DLL1: variants seen among roughly 807,000 people sequenced by gnomAD.
The protein encoded by DLL1 is delta-like protein 1.
A neutral mutation model predicts 75.1 loss-of-function variants in DLL1; 9 were observed. The ratio of observed to expected loss-of-function variants is 0.12; its 90% confidence interval spans 0.07 to 0.21. The LOEUF is 0.21. Ranked by LOEUF, DLL1 falls within the 10% of genes least tolerant of loss-of-function variation. DLL1 has a pLI of 1.00. For synonymous variants in DLL1, 477 were observed against 418.3 expected (o/e 1.14, Z -1.71); for missense variants, 837 against 1,007.6 (o/e 0.83, Z 2.29).
intron 8 of DLL1, among the ~76,000 whole-genome samples, chr6:170,284,620 T>A (rs936093904): frequency 6.6e-6 from 1 of 152,198 alleles, no homozygotes; most frequent in East Asian, 1.9e-4. Flanking sequence ...GGCCGGCACC[T>A]GTGGGCATCA....
intron 4 of DLL1, chr6:170,288,021 G>A: frequency 1.5e-6 from 1 of 689,274 alleles, no homozygotes; most frequent in Non-Finnish European, 2.4e-6. Context: ...TCCGATAGTG[G>A]ATAAACACAG....
At position 170,283,247 on chromosome 6, in the gene DLL1, G is replaced by A; in HGVS notation, c.2032C>T (p.Pro678Ser). 1 of 1,612,630 alleles carries A rather than the reference G, an allele frequency of 6.2e-7. No homozygotes were observed. The highest frequency in any genetic ancestry group is 8.5e-7 in the Non-Finnish European group (1 of 1,179,882). ...AGCACGCACCCCCTGAGTGTGGTCG[G>A]GGTCCCCTTCTCCTCCCCTGAGGAG... ...QGSSGEEKGTPTTLRGGEASE... is the reference protein window; with the variant it reads ...QGSSGEEKGTSTTLRGGEASE... Residue 678 changes from proline to serine, a missense_variant, in exon 9 of 11, where the codon CCG (proline) becomes TCG (serine). Physicochemically the swap from Pro to Ser is moderately conservative, Grantham distance 74 (BLOSUM62 -1). Around this residue, in one of 2 missense-constraint regions of DLL1, gnomAD observed 533 missense variants for 545.7 expected, o/e 0.98. Transcript: ENST00000366756.
intron 2 of DLL1, 118 bp from the exon 3 acceptor site, chr6:170,288,907 G>A: frequency 8.9e-7 from 1 of 1,126,964 alleles, no homozygotes; most frequent in South Asian, 1.2e-5. Context: ...TGCAGGTCTG[G>A]GGCAGCGTGT....
chr6:170,282,928 T>C (rs751266798), intron 10 of DLL1, 49 bp from the exon 11 acceptor site: 2 of 1,614,222 alleles, frequency 1.2e-6, no homozygotes, highest in Non-Finnish European at 1.7e-6. Context: ...CCGATTCCCG[T>C]GCTCCAGCTT....
At chr6:170,288,148 C>A (rs1783746873) in intron 4 of DLL1, 91 bp downstream of exon 4, 22 of 1,589,014 alleles carry the variant, frequency 1.4e-5, no homozygotes, top group Non-Finnish European at 1.8e-5. Context: ...TCTCTACAGT[C>A]CCAAGCCCCC....
In DLL1 at chr6:170,284,028, A is replaced by T; in HGVS notation, c.1251T>A (p.Gly417=). The part of the protein sequence containing the change: ...DYCSSSPCSN[G]AKCVDLGDAY... ...CATCACCGAGGTCCACACACTTGGC[A>T]CCTGGAACACAGGGACATGAACATC... The change falls in exon 9 of 11, where the codon GGT becomes GGA. Residue 417 remains glycine (G), a splice_region_variant and synonymous_variant. Coordinates refer to ENST00000366756, the MANE Select transcript of DLL1 (RefSeq NM_005618.4). The T allele has an allele frequency of 6.4e-7, 1 of 1,566,786 alleles. No individual in the cohort carries two copies.
rs1408456982 is a variant in DLL1 at position 170,282,489 on chromosome 6, T to C, written c.*385A>G. ...CTTTTCCATCTAGAAAAAGCACATC[T>C]TCGTATCAAAAAGGACAATAAAGGC... On this transcript the variant is annotated 3_prime_UTR_variant, in exon 11 of 11. Coordinates refer to ENST00000366756, the MANE Select transcript of DLL1 (RefSeq NM_005618.4). 3.2e-6 allele frequency: 1 copy of C among 313,480 alleles called. No individual in the cohort carries two copies. Among genetic ancestry groups the C allele is most frequent in the Non-Finnish European group, 5.9e-6 (1 of 169,980 alleles). 19.4% of individuals were successfully genotyped at this position (313,480 alleles called of 1,614,324 possible). A position where few individuals can be genotyped will look rare whatever the true frequency, so the allele number is the denominator to read the frequency against.
rs963639727 is a variant in DLL1 at position 170,291,006 on chromosome 6, C to A, written c.-867G>T. On this transcript the variant is annotated 5_prime_UTR_variant, in exon 1 of 11. Transcript: ENST00000366756. ...AATGAGATGCAAATCAGCAGCCCCC[C>A]AATCTGGCGAGAGCTGTCACAAAGG... 3 of 702,024 alleles carry A rather than the reference C, an allele frequency of 4.3e-6. No homozygotes were observed. The Admixed American group carries it at 6.0e-5, about 14-fold the overall frequency. 43.5% of individuals were successfully genotyped at this position (702,024 alleles called of 1,614,324 possible).
chr6:170,290,305 G>T lies in DLL1; in HGVS notation c.-166C>A. 1.5e-6 allele frequency: 1 copy of T among 678,220 alleles called. No individual in the cohort carries two copies. The highest frequency in any genetic ancestry group is 3.0e-5 in the South Asian group (1 of 33,422). The allele number at this position is 678,220 out of a possible 1,614,324, so 42.0% of individuals were successfully genotyped here. On this transcript the variant is annotated 5_prime_UTR_variant, in exon 1 of 11. Coordinates refer to ENST00000366756, the MANE Select transcript of DLL1 (RefSeq NM_005618.4). The surrounding 1 kb of genome is among the most constrained non-coding windows in gnomAD (Gnocchi z 4.7). ...CTTCTTTCTTTAAAAGCCGGTCTCC[G>T]CCTCTTCCCAAGGCCGCGGTTCTTT...
In DLL1 at chr6:170,285,410, G is replaced by A; in HGVS notation, c.876C>T (p.Cys292=). 1 of 1,614,216 alleles carries A rather than the reference G, an allele frequency of 6.2e-7. No homozygotes were observed. The highest frequency in any genetic ancestry group is 8.5e-7 in the Non-Finnish European group (1 of 1,180,038). Residue 292 remains cysteine, a synonymous_variant, in exon 7 of 11, where the codon TGC becomes TGT. Transcript: ENST00000366756. ...GLFCNQDLNY[C]THHKPCKNGA... ...CATTCTTGCAGGGCTTATGGTGTGTGCAGTAGTTCAGGTCTGTGAAGGGTG... is the reference window on the plus strand; with the variant it reads ...CATTCTTGCAGGGCTTATGGTGTGTACAGTAGTTCAGGTCTGTGAAGGGTG...
intron 4 of DLL1, among the ~76,000 whole-genome samples, chr6:170,287,995 G>C (rs1302190280): frequency 6.6e-6 from 1 of 152,104 alleles, no homozygotes; most frequent in African/African-American, 2.4e-5. Flanking sequence ...AATCCTCCCT[G>C]ATTAAGAAAG....
chr6:170,286,495 T>G (rs1000908070), intron 4 of DLL1, among the ~76,000 whole-genome samples, 197 bp from the exon 5 acceptor site: 2 of 152,034 alleles, frequency 1.3e-5, no homozygotes, highest in African/African-American at 4.8e-5. Flanking sequence ...AGCATTCTTC[T>G]TAACACAGGG....
rs573265046 is a variant in DLL1, at chr6:170,284,033, G to A, written c.1250-4C>T. 1.5e-5 allele frequency: 24 copies of A among 1,563,678 alleles called. No individual in the cohort carries two copies. In the South Asian group the frequency reaches 2.3e-4, roughly 15 times the overall value. Reference sequence around the variant, plus strand: ...CCGAGGTCCACACACTTGGCACCTGGAACACAGGGACATGAACATCACGTG... The same window carrying A: ...CCGAGGTCCACACACTTGGCACCTGAAACACAGGGACATGAACATCACGTG... On this transcript the variant is annotated splice_polypyrimidine_tract_variant and splice_region_variant and intron_variant, in intron 8 of 10. Transcript: ENST00000366756.
Position 170,290,210 on chromosome 6 carries a change from G to A in DLL1, c.-71C>T. ...CTTAGAACAGCGGCGGACGCGCGGG[G>A]GATCGATGGGCCACGGGGAGCGTGG... On this transcript the variant is annotated 5_prime_UTR_variant, in exon 1 of 11. Coordinates refer to ENST00000366756, the MANE Select transcript of DLL1 (RefSeq NM_005618.4). This position sits in a 1 kb window ranked among gnomAD's most constrained non-coding sequence, Gnocchi z 4.7. 1 of 1,552,894 alleles carries A rather than the reference G, an allele frequency of 6.4e-7. No homozygotes were observed. Among genetic ancestry groups the A allele is most frequent in the Non-Finnish European group, 8.7e-7 (1 of 1,150,700 alleles).
intron 8 of DLL1, 38 bp from the exon 9 acceptor site, chr6:170,284,067 T>A: frequency 6.5e-7 from 1 of 1,537,990 alleles, no homozygotes; most frequent in Non-Finnish European, 8.7e-7. Flanking sequence ...TGTCTCCTCG[T>A]AGGTTTGTTC....
chr6:170,288,190 G>T (rs368715881), intron 4 of DLL1, 49 bp downstream of exon 4: 7 of 1,613,012 alleles, frequency 4.3e-6, no homozygotes, highest in African/African-American at 1.3e-5. Flanking sequence ...CCTGCGCGCG[G>T]TCCGTGTTCG....
At chr6:170,287,558 A>T (rs1420996971) in intron 4 of DLL1, among the ~76,000 whole-genome samples, 2 of 152,234 alleles carry the variant, frequency 1.3e-5, no homozygotes, top group Non-Finnish European at 2.9e-5. Flanking sequence ...TGACACATCA[A>T]TACCTAATAA....
Position 170,290,391 on chromosome 6 carries a change from G to T in DLL1, c.-252C>A. The T allele has an allele frequency of 2.3e-6, 1 of 428,292 alleles. No homozygotes were observed. The allele number at this position is 428,292 out of a possible 1,614,324, so 26.5% of individuals were successfully genotyped here. On this transcript the variant is annotated 5_prime_UTR_variant, in exon 1 of 11. Coordinates refer to ENST00000366756, the MANE Select transcript of DLL1 (RefSeq NM_005618.4). This position sits in a 1 kb window ranked among gnomAD's most constrained non-coding sequence, Gnocchi z 4.7. ...GATGCCCGAGGAAAGGCAGCTCTCG[G>T]GGGACAGCGCGGCGGCGGCGACTTT...
At chr6:170,289,848 G>A in intron 1 of DLL1, 40 bp from the exon 2 acceptor site, 1 of 1,541,110 alleles carries the variant, frequency 6.5e-7, no homozygotes, top group East Asian at 2.4e-5. Flanking sequence ...CGCGGGTCCC[G>A]CCCGAGCTAG....
Sources: allele counts gnomAD v4.1 joint callset (sites outside exome capture counted in the v4.1 genomes callset), GRCh38; gene constraint gnomAD v4.1.1; regional missense constraint gnomAD v4.1.1; non-coding constraint Gnocchi (gnomAD v3.1); transcripts MANE v1.5; gene names NCBI Gene and HGNC (gene_info 2026-07-23, HGNC 2026-07-21).